Variants in FLRT3 observed in about 807,000 individuals in gnomAD.
The protein encoded by FLRT3 is fibronectin leucine rich transmembrane protein 3, also known as leucine-rich repeat transmembrane protein FLRT3.
Under a neutral mutation model 42.6 loss-of-function variants are expected in FLRT3, and 17 were observed. The observed-to-expected ratio is 0.40, with a 90% CI of 0.27 to 0.60. The LOEUF is 0.60. Ranked by LOEUF, FLRT3 falls within the 20% of genes least tolerant of loss-of-function variation. The probability of loss-of-function intolerance (pLI) is 0.44; values close to 1 mark genes in which losing one functional copy is unlikely to be tolerated. For missense variants in FLRT3, 635 were observed against 789.2 expected (o/e 0.80, Z 2.34); for synonymous variants, 279 against 286.4 (o/e 0.97, Z 0.26).
Position 14,326,985 on chromosome 20 carries a change from G to A in FLRT3, c.522C>T (p.Pro174=). ...CCAAGCGTAGTTCTTCTATAGTCCT[G>A]GGCAAACCCCAGGGAATTGTGCTAA... The part of the protein sequence containing the change: ...NHLSTIPWGL[P]RTIEELRLDD... Residue 174 remains proline (P), a synonymous_variant, in exon 3 of 3, where the codon CCC becomes CCT. Transcript: ENST00000341420. This position sits in a 1 kb window ranked among gnomAD's most constrained non-coding sequence, Gnocchi z 5.5. 1.9e-6 allele frequency: 3 copies of A among 1,613,734 alleles called. No homozygotes were observed. The highest frequency in any genetic ancestry group is 2.5e-6 in the Non-Finnish European group (3 of 1,179,782).
chr20:14,333,848 G>T (rs1165579403), intron 1 of FLRT3, among the ~76,000 whole-genome samples: 1 of 152,158 alleles, frequency 6.6e-6, no homozygotes, highest in Non-Finnish European at 1.5e-5. Context: ...CACATAAACT[G>T]ATCAATCCAC....
At chr20:14,337,342 A>T in intron 1 of FLRT3, 62 bp downstream of exon 1, 2 of 308,796 alleles carry the variant, frequency 6.5e-6, no homozygotes, top group Non-Finnish European at 5.9e-6. Flanking sequence ...GTTTCTTTCT[A>T]GAGAGTAAAA....
Position 14,326,234 on chromosome 20 carries a change from T to C in FLRT3, c.1273A>G (p.Ile425Val). 1 of 1,613,896 alleles carries C rather than the reference T, an allele frequency of 6.2e-7. No homozygotes were observed. Among genetic ancestry groups the C allele is most frequent in the South Asian group, 1.1e-5 (1 of 91,086 alleles). ...VKSVTSDTIH[I>V]SWKLALPMTA... is the part of the protein sequence containing the mutation. ...ATAGGTAGAGCAAGTTTCCAAGAGA[T>C]ATGAATGGTATCAGAGGTGACAGAC... The change falls in exon 3 of 3, where the codon ATC becomes GTC. Residue 425 changes from isoleucine (I) to valine (V), a missense_variant. Physicochemically the swap from Ile to Val is conservative, Grantham distance 29 (BLOSUM62 3). Coordinates refer to ENST00000341420, the MANE Select transcript of FLRT3 (RefSeq NM_198391.3). This position sits in a 1 kb window ranked among gnomAD's most constrained non-coding sequence, Gnocchi z 5.5.
intron 1 of FLRT3, 47 bp downstream of exon 1, chr20:14,337,357 G>A (rs2082957160): frequency 3.3e-6 from 1 of 301,066 alleles, no homozygotes. Context: ...GTAAAACCAA[G>A]CAAACTTTCT....
At chr20:14,336,517 G>T (rs991146675) in intron 1 of FLRT3, among the ~76,000 whole-genome samples, 1 of 152,028 alleles carries the variant, frequency 6.6e-6, no homozygotes, top group African/African-American at 2.4e-5. Flanking sequence ...TAGTATAAAT[G>T]CATTTCTTCC....
At position 14,329,217 on chromosome 20, in the gene FLRT3, T is replaced by C. The variant is rs2082790696; in HGVS notation, c.-136A>G. On this transcript the variant is annotated 5_prime_UTR_variant, in exon 2 of 3. In the 5' UTR this introduces an upstream ATG that the reference lacks. Transcript: ENST00000341420. ...TGCAGTCACGTTATACAAGAACAGG[T>C]ATTCTCTTTTAAGAAGTAAAGGAAA... 1 of 152,114 alleles carries C rather than the reference T, an allele frequency of 6.6e-6. No individual in the cohort carries two copies. The highest frequency in any genetic ancestry group is 2.4e-5 in the African/African-American group (1 of 41,446). 9.4% of individuals were successfully genotyped at this position (152,114 alleles called of 1,614,324 possible). A position where few individuals can be genotyped will look rare whatever the true frequency, so the allele number is the denominator to read the frequency against.
At chr20:14,334,371 A>T (rs1366929542) in intron 1 of FLRT3, among the ~76,000 whole-genome samples, 1 of 152,308 alleles carries the variant, frequency 6.6e-6, no homozygotes, top group East Asian at 1.9e-4. Flanking sequence ...CTTTGTTGGA[A>T]ATTTATTTGT....
At position 14,326,760 on chromosome 20, in the gene FLRT3, C is replaced by T. The variant is rs2122578584; in HGVS notation, c.747G>A (p.Leu249=). The stretch of plus-strand genomic sequence containing the variant: ...GGTTATCTTGAAGATAAAGCTTCCT[C>T]AGGTTTGTGCCTGGAAGGTTTACTG... The part of the protein sequence containing the change: ...AAPVNLPGTN[L]RKLYLQDNHI... Residue 249 remains leucine (L), a synonymous_variant, in exon 3 of 3, where the codon CTG becomes CTA. Coordinates refer to ENST00000341420, the MANE Select transcript of FLRT3 (RefSeq NM_198391.3). The surrounding 1 kb of genome is among the most constrained non-coding windows in gnomAD (Gnocchi z 5.5). The T allele has an allele frequency of 6.2e-7, 1 of 1,613,772 alleles. No individual in the cohort carries two copies. The highest frequency in any genetic ancestry group is 8.5e-7 in the Non-Finnish European group (1 of 1,179,816).
chr20:14,330,767 C>G (rs935461642), intron 1 of FLRT3, among the ~76,000 whole-genome samples: 3 of 151,956 alleles, frequency 2.0e-5, no homozygotes, highest in Admixed American at 6.6e-5. Flanking sequence ...TACTGTGATG[C>G]CTTTAGGGCT....
At chr20:14,331,220 C>G (rs902639641) in intron 1 of FLRT3, among the ~76,000 whole-genome samples, 2 of 152,010 alleles carry the variant, frequency 1.3e-5, no homozygotes, top group Admixed American at 6.6e-5. Context: ...AAATAAATGT[C>G]TTTTATCTTG....
Position 14,324,280 on chromosome 20 carries a change from G to T in FLRT3, c.*1277C>A, listed in dbSNP as rs2082699904. On this transcript the variant is annotated 3_prime_UTR_variant, in exon 3 of 3. Transcript: ENST00000341420. ...GCCAAAGGGCGTACAATGCACTTTG[G>T]TTTTTTGTTGAAAAAAAAAAAATCA... 1 of 54,020 alleles carries T rather than the reference G, an allele frequency of 1.9e-5. No individual in the cohort carries two copies. The highest frequency in any genetic ancestry group is 5.8e-5 in the African/African-American group (1 of 17,224). 3.3% of individuals were successfully genotyped at this position (54,020 alleles called of 1,614,324 possible).
At chr20:14,337,268 C>A in intron 1 of FLRT3, 136 bp downstream of exon 1, 1 of 244,020 alleles carries the variant, frequency 4.1e-6, no homozygotes, top group East Asian at 7.5e-5. Flanking sequence ...CTTGCACGCA[C>A]ATATATTGCT....
chr20:14,334,379 T>G (rs1330979899), intron 1 of FLRT3, among the ~76,000 whole-genome samples: 1 of 152,212 alleles, frequency 6.6e-6, no homozygotes, highest in African/African-American at 2.4e-5. Context: ...GAAATTTATT[T>G]GTTGACTTTC....
Position 14,326,838 on chromosome 20 carries a change from G to A in FLRT3, c.669C>T (p.Asn223=), listed in dbSNP as rs2082744037. 1.9e-6 allele frequency: 3 copies of A among 1,613,676 alleles called. No homozygotes were observed. In the Admixed American group the frequency reaches 5.0e-5, roughly 27 times the overall value. Residue 223 remains asparagine (N), a synonymous_variant, in exon 3 of 3, where the codon AAC becomes AAT. Coordinates refer to ENST00000341420, the MANE Select transcript of FLRT3 (RefSeq NM_198391.3). The surrounding 1 kb of genome is among the most constrained non-coding windows in gnomAD (Gnocchi z 5.5). ...GGGACAGCTCTGTCAAATTAACTAGGTTGAAGAAAACTTTGTCACCTAAAC... is the reference window on the plus strand; with the variant it reads ...GGGACAGCTCTGTCAAATTAACTAGATTGAAGAAAACTTTGTCACCTAAAC... ...NHGLGDKVFF[N]LVNLTELSLV...
rs1480414572 is a variant in FLRT3, at chr20:14,325,797, T to A, written c.1710A>T (p.Arg570Ser). The change falls in exon 3 of 3, where the codon AGA (arginine) becomes AGT (serine). Residue 570 changes from arginine to serine, a missense_variant. Coordinates refer to ENST00000341420, the MANE Select transcript of FLRT3 (RefSeq NM_198391.3). ...CAGCTTCTGCATAGTCATCCTTTCT[T>A]CTCCTCCCTTTGCTATATGCACAGT... ...SRNCAYSKGR[R>S]RKDDYAEAGT... 2 of 1,613,800 alleles carry A rather than the reference T, an allele frequency of 1.2e-6. No individual in the cohort carries two copies. The highest frequency in any genetic ancestry group is 1.3e-5 in the African/African-American group (1 of 74,888).
At chr20:14,329,732 T>C (rs188342034) in intron 1 of FLRT3, among the ~76,000 whole-genome samples, 18 of 151,940 alleles carry the variant, frequency 1.2e-4, no homozygotes, top group Admixed American at 1.1e-3. Context: ...AAGGTAACTT[T>C]TTAGGCATTT....
At chr20:14,329,851 G>A (rs1379596568) in intron 1 of FLRT3, among the ~76,000 whole-genome samples, 1 of 151,918 alleles carries the variant, frequency 6.6e-6, no homozygotes, top group East Asian at 1.9e-4. Flanking sequence ...CCTCCTGCAG[G>A]TCTCAATTCT....
intron 2 of FLRT3, 140 bp from the exon 3 acceptor site, chr20:14,327,698 G>T (rs1336797669): frequency 1.4e-5 from 8 of 583,086 alleles, no homozygotes; most frequent in Admixed American, 1.1e-4. Flanking sequence ...GCATAATAGG[G>T]TTTATTGCTA....
At chr20:14,328,790 AG>A (rs2082781153) in intron 2 of FLRT3, 1 of 152,112 alleles carries the variant, frequency 6.6e-6, no homozygotes, top group Non-Finnish European at 1.5e-5. Context: ...ATGGTGGGCA[AG>A]CTCATTAAAG....
Sources: gnomAD v4.1 joint callset for allele counts (sites outside exome capture counted in the v4.1 genomes callset) on GRCh38, gnomAD v4.1.1 for gene constraint, Gnocchi (gnomAD v3.1) non-coding constraint, MANE v1.5 for transcripts, NCBI Gene and HGNC (gene_info 2026-07-23, HGNC 2026-07-21) for gene names.